Variants in IL3RA observed in about 807,000 individuals in gnomAD.
IL3RA encodes interleukin-3 receptor subunit alpha.
Under a neutral mutation model 52.3 loss-of-function variants are expected in IL3RA, and 73 were observed. The observed-to-expected ratio is 1.40, with a 90% CI of 1.16 to 1.70. The LOEUF is 1.70. IL3RA is among the 40% of genes most tolerant of loss of function. The pLI is 0.00. For missense variants in IL3RA, 664 were observed against 504.4 expected, an observed-to-expected ratio of 1.32 and a Z score of -3.03; for synonymous variants, 260 against 194.0, an observed-to-expected ratio of 1.34 and a Z score of -2.83.
chrX:1,348,736 T>TC, intron 4 of IL3RA, among the ~76,000 whole-genome samples, 191 bp downstream of exon 4: 1 of 104,864 alleles, frequency 9.5e-6, no homozygotes, highest in East Asian at 2.2e-4. Flanking sequence ...TTCTTTTTCT[T>TC]TCTTTCTTTC....
chrX:1,377,522 C>T (rs1249419041), intron 9 of IL3RA, among the ~76,000 whole-genome samples: 1 of 152,108 alleles, frequency 6.6e-6, no homozygotes, highest in African/African-American at 2.4e-5. Context: ...GGATTACAGG[C>T]GTGAGCCACC....
chrX:1,377,909 G>T (rs1474070623), intron 9 of IL3RA, among the ~76,000 whole-genome samples: 1 of 150,212 alleles, frequency 6.7e-6, no homozygotes, highest in East Asian at 1.9e-4. Context: ...AAAATAGGCC[G>T]GGTGCGTGGC....
intron 2 of IL3RA, 84 bp from the exon 3 acceptor site, chrX:1,345,232 G>A (rs2085687851): frequency 6.7e-6 from 4 of 593,524 alleles, no homozygotes; most frequent in East Asian, 3.1e-5. Flanking sequence ...AACTCCACGG[G>A]CAAAAAAAAA....
chrX:1,381,337 G>A (rs1384476427), intron 11 of IL3RA, among the ~76,000 whole-genome samples: 1 of 152,088 alleles, frequency 6.6e-6, no homozygotes, highest in Admixed American at 6.6e-5. Flanking sequence ...GGTGGAGGCT[G>A]CAGTGAACTA....
At position 1,382,594 on chromosome X, in the gene IL3RA, G is replaced by A; in HGVS notation, c.*129G>A. On this transcript the variant is annotated 3_prime_UTR_variant, in exon 12 of 12. Coordinates refer to ENST00000331035, the MANE Select transcript of IL3RA (RefSeq NM_002183.4). ...CATTCCTAACGGGTGGTGGGCATGGGAGATGCCTGTGTAATTTCGTCCGAA... is the reference window on the plus strand; with the variant it reads ...CATTCCTAACGGGTGGTGGGCATGGAAGATGCCTGTGTAATTTCGTCCGAA... The A allele has an allele frequency of 1.2e-6, 1 of 800,618 alleles. No individual in the cohort carries two copies. The highest frequency in any genetic ancestry group is 2.2e-6 in the Non-Finnish European group (1 of 459,432). The allele number at this position is 800,618 out of a possible 1,614,324, so 49.6% of individuals were successfully genotyped here.
At chrX:1,337,325 C>T (rs1346607031) in intron 1 of IL3RA, among the ~76,000 whole-genome samples, 5 of 152,310 alleles carry the variant, frequency 3.3e-5, no homozygotes, top group Admixed American at 2.0e-4. Flanking sequence ...AATGAGCTCA[C>T]GCCCAGGGCG....
At chrX:1,380,130 T>C (rs753415653) in intron 10 of IL3RA, among the ~76,000 whole-genome samples, 10 of 142,690 alleles carry the variant, frequency 7.0e-5, no homozygotes, top group East Asian at 2.1e-4. Flanking sequence ...CTCACCTCAG[T>C]TGATCTGCCC....
At chrX:1,367,440 C>G (rs867921449) in intron 9 of IL3RA, among the ~76,000 whole-genome samples, 25 of 8,402 alleles carry the variant, frequency 3.0e-3, no homozygotes, top group Admixed American at 5.5e-3. Context: ...CGGGGTGAGC[C>G]GGGTGCGCGG....
chrX:1,356,630 G>A (rs137989346), intron 7 of IL3RA, among the ~76,000 whole-genome samples: 2,437 of 152,130 alleles, frequency 0.016, 41 homozygotes, highest in Non-Finnish European at 0.025. Context: ...AAATTAGCTG[G>A]GCGTGGTGGC....
intron 6 of IL3RA, among the ~76,000 whole-genome samples, chrX:1,353,271 G>T: frequency 6.8e-6 from 1 of 147,154 alleles, no homozygotes; most frequent in Non-Finnish European, 1.5e-5. Flanking sequence ...CCTTATCATG[G>T]ATTCCATCAT....
intron 3 of IL3RA, among the ~76,000 whole-genome samples, chrX:1,347,913 T>G (rs1231740765): frequency 4.0e-5 from 6 of 150,890 alleles, no homozygotes; most frequent in African/African-American, 1.5e-4. Flanking sequence ...GGCGGGCGCC[T>G]GTAGTCCCAG....
In IL3RA at chrX:1,356,151, A is replaced by T; in HGVS notation, c.617-70A>T. 2.9e-6 allele frequency: 3 copies of T among 1,031,344 alleles called. No homozygotes were observed. In the Admixed American group the frequency reaches 6.5e-5, roughly 22 times the overall value. 63.9% of individuals were successfully genotyped at this position (1,031,344 alleles called of 1,614,324 possible). On this transcript the variant is annotated intron_variant, in intron 6 of 11. Transcript: ENST00000331035. ...AGTAATTTGAAGTATCTCCAGAAAAAAAAAGAGAAAAAGAAAAAGAATTGA... is the reference window on the plus strand; with the variant it reads ...AGTAATTTGAAGTATCTCCAGAAAATAAAAGAGAAAAAGAAAAAGAATTGA...
At chrX:1,380,600 G>A (rs1354692765) in intron 10 of IL3RA, among the ~76,000 whole-genome samples, 1 of 22,172 alleles carries the variant, frequency 4.5e-5, no homozygotes, top group Non-Finnish European at 7.7e-5. Flanking sequence ...AGGGGGAGGA[G>A]GAGAGGGGAG....
chrX:1,380,795 T>C (rs1283847783), intron 10 of IL3RA, among the ~76,000 whole-genome samples: 1 of 151,394 alleles, frequency 6.6e-6, no homozygotes, highest in East Asian at 2.0e-4. Context: ...CACCCCTGGG[T>C]GGCTCCGGTA....
chrX:1,346,836 C>G (rs2085762760), intron 3 of IL3RA, among the ~76,000 whole-genome samples: 1 of 151,202 alleles, frequency 6.6e-6, no homozygotes, highest in Non-Finnish European at 1.5e-5. Context: ...TTGGTCCCCT[C>G]CAAGAGCTAT....
intron 4 of IL3RA, among the ~76,000 whole-genome samples, chrX:1,351,263 T>A (rs760555444): frequency 6.6e-5 from 10 of 152,294 alleles, no homozygotes; most frequent in African/African-American, 2.4e-4. Context: ...TATTATTATT[T>A]TTTACAACGG....
At chrX:1,359,326 TCAGA>T (rs1240694808) in intron 8 of IL3RA, among the ~76,000 whole-genome samples, 14 of 151,862 alleles carry the variant, frequency 9.2e-5, no homozygotes, top group Admixed American at 2.6e-4. Flanking sequence ...GGCCCAGACC[TCAGA>T]CAGAGGACCC....
At chrX:1,357,468 C>T (rs2086825455) in intron 7 of IL3RA, among the ~76,000 whole-genome samples, 1 of 151,700 alleles carries the variant, frequency 6.6e-6, no homozygotes, top group East Asian at 2.0e-4. Context: ...TCAACCAATT[C>T]TCAGCTTCAG....
intron 3 of IL3RA, 92 bp downstream of exon 3, chrX:1,345,526 G>C (rs1370040293): frequency 8.9e-6 from 8 of 896,758 alleles, no homozygotes; most frequent in Non-Finnish European, 1.2e-5. Context: ...GTCTTGCTCT[G>C]TCGCCCAGGC....
Sources: gnomAD v4.1 joint callset for allele counts (sites outside exome capture counted in the v4.1 genomes callset) on GRCh38, gnomAD v4.1.1 for gene constraint, MANE v1.5 for transcripts, NCBI Gene and HGNC (gene_info 2026-07-23, HGNC 2026-07-21) for gene names.